Variants in MME observed in about 807,000 individuals in gnomAD.
MME encodes membrane metalloendopeptidase.
MME carries 98 observed loss-of-function variants against 113.2 expected under a neutral mutation model. The observed-to-expected ratio is 0.87, with a 90% CI of 0.74 to 1.02. The LOEUF (loss-of-function observed/expected upper bound fraction) is 1.02. MME is among the 50% of genes least tolerant of loss of function. The pLI is 0.00. For missense variants in MME, 836 were observed against 896.0 expected, an observed-to-expected ratio of 0.93 and a Z score of 0.86; for synonymous variants, 292 against 300.6, an observed-to-expected ratio of 0.97 and a Z score of 0.30.
At chr3:155,052,607 C>T (rs1002517084) in intron 1 of MME, among the ~76,000 whole-genome samples, 2 of 152,204 alleles carry the variant, frequency 1.3e-5, no homozygotes, top group Non-Finnish European at 2.9e-5. Flanking sequence ...TGGGGCACCA[C>T]GTATTGAGGC....
At chr3:155,140,329 G>A (rs200297749) in intron 10 of MME, 37 bp downstream of exon 10, 32 of 1,304,860 alleles carry the variant, frequency 2.5e-5, no homozygotes, top group Middle Eastern at 1.9e-4. Context: ...TTATTGTGCC[G>A]TTTTCTAAAT....
At chr3:155,071,438 A>T (rs1328065648) in intron 1 of MME, among the ~76,000 whole-genome samples, 1 of 152,156 alleles carries the variant, frequency 6.6e-6, no homozygotes, top group Non-Finnish European at 1.5e-5. Context: ...CTGCTTAGTG[A>T]GTGACTGTTT....
intron 1 of MME, among the ~76,000 whole-genome samples, chr3:155,067,586 G>A (rs183212978): frequency 5.5e-4 from 83 of 152,104 alleles, no homozygotes; most frequent in African/African-American, 1.8e-3. Context: ...TGGGATTACA[G>A]GCATGAGCCA....
At chr3:155,101,853 A>G (rs1717258042) in intron 3 of MME, among the ~76,000 whole-genome samples, 2 of 152,106 alleles carry the variant, frequency 1.3e-5, no homozygotes, top group South Asian at 4.1e-4. Flanking sequence ...AACCACTTCT[A>G]CCAGAGCCCA....
chr3:155,125,443 C>CTT (rs1491214751), intron 8 of MME, among the ~76,000 whole-genome samples: 1 of 93,876 alleles, frequency 1.1e-5, no homozygotes, highest in Non-Finnish European at 2.3e-5. Flanking sequence ...GGCTCCTCCT[C>CTT]CTTTTTTTTT....
intron 17 of MME, among the ~76,000 whole-genome samples, chr3:155,161,499 T>C (rs1468221788): frequency 1.3e-5 from 2 of 152,168 alleles, no homozygotes; most frequent in African/African-American, 2.4e-5. Context: ...TATTTATCAT[T>C]GGCTAAAAAA....
At chr3:155,057,675 A>T (rs1713981677) in intron 1 of MME, among the ~76,000 whole-genome samples, 1 of 148,914 alleles carries the variant, frequency 6.7e-6, no homozygotes, top group Admixed American at 6.7e-5. Context: ...AGCTGACCAG[A>T]CACTTCTGGC....
At chr3:155,049,627 A>C (rs956511545) in intron 1 of MME, among the ~76,000 whole-genome samples, 8 of 147,078 alleles carry the variant, frequency 5.4e-5, no homozygotes, top group East Asian at 4.0e-4. Context: ...TCATCTTAGT[A>C]TATCTATCTA....
intron 1 of MME, among the ~76,000 whole-genome samples, chr3:155,035,496 T>A (rs1016830548): frequency 1.3e-5 from 2 of 152,166 alleles, no homozygotes; most frequent in East Asian, 1.9e-4. Context: ...TGGCTGAGAA[T>A]TTTTTTAAAG....
intron 1 of MME, among the ~76,000 whole-genome samples, chr3:155,045,863 T>C (rs1269548482): frequency 6.6e-6 from 1 of 152,184 alleles, no homozygotes; most frequent in Non-Finnish European, 1.5e-5. Flanking sequence ...AATATGAACA[T>C]TTAAAAGTAT....
At chr3:155,049,414 C>T (rs1713677226) in intron 1 of MME, among the ~76,000 whole-genome samples, 1 of 151,946 alleles carries the variant, frequency 6.6e-6, no homozygotes. Context: ...CCAGAAACCA[C>T]CAGAGGCTAG....
chr3:155,033,017 G>A (rs1713022982), intron 1 of MME, among the ~76,000 whole-genome samples: 1 of 152,182 alleles, frequency 6.6e-6, no homozygotes, highest in South Asian at 2.1e-4. Context: ...TAACTGTCAT[G>A]GAATCTTGTG....
Position 155,168,472 on chromosome 3 carries a change from C to T in MME, c.1781-20C>T. On this transcript the variant is annotated intron_variant, in intron 18 of 22. Coordinates refer to ENST00000360490, the MANE Select transcript of MME (RefSeq NM_007289.4). ...CTTGTTGCAATGAGTTCCCATTTTA[C>T]TTAAATAAATATATTATAGGCAGAA... is the stretch of plus-strand genomic sequence containing the variant. The T allele has an allele frequency of 6.3e-7, 1 of 1,599,770 alleles. No individual in the cohort carries two copies. The highest frequency in any genetic ancestry group is 8.6e-7 in the Non-Finnish European group (1 of 1,169,236).
chr3:155,078,647 A>ATACGTGTGTG (rs1714856114), upstream of MME, among the ~76,000 whole-genome samples: 1 of 142,074 alleles, frequency 7.0e-6, no homozygotes, highest in African/African-American at 2.7e-5. Context: ...TGGAGTGTGA[A>ATACGTGTGTG]TATGTGTGTG....
chr3:155,088,158 C>T (rs1253681934), intron 3 of MME, among the ~76,000 whole-genome samples: 1 of 152,048 alleles, frequency 6.6e-6, no homozygotes, highest in Admixed American at 6.6e-5. Context: ...AATAAGATGA[C>T]ACACACCCTC....
chr3:155,148,573 CTTCGAGAACATAA>C lies in MME; in HGVS notation c.1525_1537del (p.Glu509LysfsTer3). ...AGTTGAACTACAAAGAAGATGAATA[CTTCGAGAACATAA>C]TTCAAAATTTGAAATTCAGCCAAAG... On this transcript the variant is annotated frameshift_variant, in exon 16 of 23. Transcript: ENST00000360490. LOFTEE classifies it high-confidence loss of function. The C allele has an allele frequency of 2.5e-6, 4 of 1,609,438 alleles. No homozygotes were observed. The highest frequency in any genetic ancestry group is 3.4e-6 in the Non-Finnish European group (4 of 1,176,138).
intron 1 of MME, among the ~76,000 whole-genome samples, chr3:155,071,288 C>T (rs1019613194): frequency 1.4e-4 from 22 of 152,182 alleles, no homozygotes; most frequent in African/African-American, 5.1e-4. Context: ...CATCCTCATA[C>T]GCGTAGCACG....
intron 14 of MME, among the ~76,000 whole-genome samples, chr3:155,145,882 A>G (rs1471382752): frequency 1.3e-5 from 2 of 152,106 alleles, no homozygotes; most frequent in African/African-American, 4.8e-5. Context: ...CTGATGGCAA[A>G]CCTACAAGAA....
intron 1 of MME, among the ~76,000 whole-genome samples, chr3:155,032,725 C>T (rs1450088391): frequency 2.0e-5 from 3 of 152,124 alleles, no homozygotes; most frequent in African/African-American, 7.2e-5. Context: ...ACCAAAATGT[C>T]AACCTAAAAT....
Sources: allele counts gnomAD v4.1 joint callset (sites outside exome capture counted in the v4.1 genomes callset), GRCh38; gene constraint gnomAD v4.1.1; transcripts MANE v1.5; gene names NCBI Gene and HGNC (gene_info 2026-07-23, HGNC 2026-07-21).